SSPN: variants seen among roughly 807,000 people sequenced by gnomAD.
SSPN encodes K-ras oncogene-associated protein.
In SSPN, 15 loss-of-function variants were observed where a neutral mutation model predicts 19.1. That is an observed-to-expected ratio of 0.78 (90% confidence interval 0.52 to 1.21). The LOEUF is 1.21. Among genes scored for constraint, SSPN ranks in the 50% most tolerant of loss-of-function variants. The pLI, the probability that SSPN is intolerant of heterozygous loss-of-function variation, is 0.00. For missense variants in SSPN, 291 were observed against 314.0 expected (o/e 0.93, Z 0.55); for synonymous variants, 147 against 140.3 (o/e 1.05, Z -0.34).
At chr12:26,155,456 G>T (rs4963964) in intron 1 of SSPN, among the ~76,000 whole-genome samples, 148,506 of 152,256 alleles carry the variant, frequency 0.98, 72,524 homozygotes, top group East Asian at 1. Flanking sequence ...TGACCCTCAC[G>T]TTACCCTTAA....
intron 1 of SSPN, among the ~76,000 whole-genome samples, chr12:26,207,433 A>T (rs1159201059): frequency 6.6e-6 from 1 of 152,154 alleles, no homozygotes; most frequent in East Asian, 1.9e-4. Context: ...ATTGTATTGA[A>T]GTCTCCCATG....
At chr12:26,124,876 G>A in intron 1 of SSPN, 14 of 1,175,192 alleles carry the variant, frequency 1.2e-5, no homozygotes, top group Non-Finnish European at 1.7e-5. Flanking sequence ...GGATCTGTGC[G>A]TCTCCAGTCT....
chr12:26,123,294 G>A, intron 1 of SSPN: 4 of 1,277,612 alleles, frequency 3.1e-6, no homozygotes, highest in African/African-American at 1.5e-5. Flanking sequence ...TTTTTCCCCA[G>A]TATTCAAGTG....
intron 1 of SSPN, among the ~76,000 whole-genome samples, chr12:26,172,446 C>T (rs10842686): frequency 0.56 from 84,820 of 152,044 alleles, 25,081 homozygotes; most frequent in African/African-American, 0.76. Context: ...CTCTGTTTCT[C>T]GATGAGCATT....
intron 1 of SSPN, among the ~76,000 whole-genome samples, chr12:26,208,026 G>A (rs904334579): frequency 4.0e-5 from 6 of 150,594 alleles, no homozygotes; most frequent in Non-Finnish European, 7.4e-5. Flanking sequence ...GGTGGGGGGG[G>A]GGGATATATA....
intron 1 of SSPN, chr12:26,123,014 G>A: frequency 6.4e-7 from 1 of 1,570,596 alleles, no homozygotes; most frequent in Non-Finnish European, 8.6e-7. Flanking sequence ...TGGCCACGGC[G>A]TGCAAGTGGT....
intron 1 of SSPN, among the ~76,000 whole-genome samples, chr12:26,123,406 C>G (rs1944332819): frequency 6.6e-6 from 1 of 152,140 alleles, no homozygotes; most frequent in South Asian, 2.1e-4. Flanking sequence ...CGGGTGCAAC[C>G]GCCACTTTAA....
At chr12:26,134,474 ATGAAGACAGACACC>A (rs1223725619) in intron 1 of SSPN, among the ~76,000 whole-genome samples, 1 of 152,232 alleles carries the variant, frequency 6.6e-6, no homozygotes, top group Non-Finnish European at 1.5e-5. Flanking sequence ...TGTAAGCTCC[ATGAAGACAGACACC>A]TGAATTGTTT....
chr12:26,201,483 A>G (rs1292613349), intron 1 of SSPN, among the ~76,000 whole-genome samples: 3 of 152,002 alleles, frequency 2.0e-5, no homozygotes, highest in African/African-American at 7.3e-5. Flanking sequence ...AAATCATTAG[A>G]TGTTCAGAAT....
chr12:26,164,552 C>T (rs1400709087), intron 1 of SSPN, among the ~76,000 whole-genome samples: 5 of 152,176 alleles, frequency 3.3e-5, no homozygotes, highest in African/African-American at 1.2e-4. Flanking sequence ...AACAAATAAA[C>T]CTATGACGTG....
intron 1 of SSPN, among the ~76,000 whole-genome samples, chr12:26,157,040 G>T (rs528264918): frequency 2.0e-5 from 3 of 152,100 alleles, no homozygotes; most frequent in Non-Finnish European, 4.4e-5. Context: ...TTAGAGCAGG[G>T]ATCTTTACTT....
intron 1 of SSPN, among the ~76,000 whole-genome samples, chr12:26,165,246 C>T (rs183087270): frequency 2.5e-3 from 374 of 152,270 alleles, no homozygotes; most frequent in African/African-American, 7.5e-3. Flanking sequence ...GTCTCAAATT[C>T]CGTCTATACA....
intron 1 of SSPN, among the ~76,000 whole-genome samples, chr12:26,158,205 TTTTTTCTG>T (rs1944567078): frequency 6.6e-6 from 1 of 151,758 alleles, no homozygotes; most frequent in African/African-American, 2.4e-5. Context: ...GTATTTTTCT[TTTTTTCTG>T]TTTTTCCTTT....
At chr12:26,187,193 A>G (rs766800205) in intron 1 of SSPN, among the ~76,000 whole-genome samples, 1 of 152,224 alleles carries the variant, frequency 6.6e-6, no homozygotes, top group African/African-American at 2.4e-5. Context: ...CCCAGGGCAG[A>G]GATGCCAAGC....
intron 1 of SSPN, among the ~76,000 whole-genome samples, chr12:26,223,506 G>A (rs1407910448): frequency 2.6e-5 from 2 of 77,464 alleles, no homozygotes; most frequent in Admixed American, 1.8e-4. Context: ...CACCGCACCC[G>A]CTTATATGTC....
At chr12:26,145,552 G>A (rs1944485329) in intron 1 of SSPN, among the ~76,000 whole-genome samples, 1 of 152,174 alleles carries the variant, frequency 6.6e-6, no homozygotes, top group Non-Finnish European at 1.5e-5. Context: ...ATGGCAGGAC[G>A]TTCTGTCTCA....
chr12:26,189,373 T>C (rs1944774059), intron 1 of SSPN, among the ~76,000 whole-genome samples: 1 of 152,206 alleles, frequency 6.6e-6, no homozygotes, highest in Non-Finnish European at 1.5e-5. Flanking sequence ...CCTACATTCA[T>C]ACGTACATAT....
At chr12:26,158,689 C>G (rs938718165) in intron 1 of SSPN, among the ~76,000 whole-genome samples, 4 of 152,252 alleles carry the variant, frequency 2.6e-5, no homozygotes, top group African/African-American at 9.6e-5. Context: ...AGCTGAGGTG[C>G]CTCAGGGCAG....
intron 1 of SSPN, chr12:26,124,994 G>T (rs1944351523): frequency 3.1e-6 from 2 of 635,786 alleles, no homozygotes; most frequent in East Asian, 5.5e-5. Flanking sequence ...ACTCGCGCCG[G>T]CCCCACTGCG....
Sources: allele counts gnomAD v4.1 joint callset (sites outside exome capture counted in the v4.1 genomes callset), GRCh38; gene constraint gnomAD v4.1.1; transcripts MANE v1.5; gene names NCBI Gene and HGNC (gene_info 2026-07-23, HGNC 2026-07-21).